The following SLC6A11 variants were observed in gnomAD, a reference collection of about 807,000 sequenced individuals.
The protein encoded by SLC6A11 is sodium- and chloride-dependent GABA transporter 3.
SLC6A11 carries 25 observed loss-of-function variants against 74.8 expected under a neutral mutation model. The ratio of observed to expected loss-of-function variants is 0.33; its 90% CI spans 0.24 to 0.47. The LOEUF is 0.47. SLC6A11 is among the 20% of genes least tolerant of loss of function. The pLI is 1.00. For missense variants in SLC6A11, 574 were observed against 837.0 expected (o/e 0.69, Z 3.88); for synonymous variants, 330 against 330.2 (o/e 1.00, Z 0.01).
chr3:10,933,338 T>C (rs1695716208), intron 11 of SLC6A11, 85 bp downstream of exon 11: 1 of 906,404 alleles, frequency 1.1e-6, no homozygotes, highest in East Asian at 2.4e-5. Flanking sequence ...TGGCTCTGGT[T>C]CTCTGTGGCT....
chr3:10,823,463 C>A, intron 4 of SLC6A11, 71 bp downstream of exon 4: 2 of 1,046,768 alleles, frequency 1.9e-6, no homozygotes, highest in Non-Finnish European at 3.0e-6. Context: ...TTGGTCTTGC[C>A]CCTATTCCTG....
chr3:10,885,464 A>G (rs1695031432), intron 6 of SLC6A11, among the ~76,000 whole-genome samples: 1 of 152,040 alleles, frequency 6.6e-6, no homozygotes, highest in African/African-American at 2.4e-5. Flanking sequence ...AGGAAGCTTT[A>G]CCTCCCAGGA....
At chr3:10,828,915 A>T (rs1273601814) in intron 4 of SLC6A11, among the ~76,000 whole-genome samples, 1 of 152,184 alleles carries the variant, frequency 6.6e-6, no homozygotes, top group Admixed American at 6.5e-5. Context: ...TTTGTTCATT[A>T]TTGTCTTGCC....
Position 10,923,250 on chromosome 3 carries a change from T to TAA in SLC6A11, c.1121-2741_1121-2740dup, listed in dbSNP as rs34205263. The stretch of plus-strand genomic sequence containing the variant: ...TGGTTTCTAAACACTATTCTTCAAT[T>TAA]AAAAAAAAAAAAAACACAGGGCTCC... On this transcript the variant is annotated intron_variant, in intron 8 of 13. Coordinates refer to ENST00000254488, the MANE Select transcript of SLC6A11 (RefSeq NM_014229.3). Among the ~76,000 whole-genome samples, 96 of 142,442 alleles carry TAA rather than the reference T, an allele frequency of 6.7e-4. 1 individual carries two copies. Among genetic ancestry groups the TAA allele is most frequent in the Non-Finnish European group, 1.0e-3 (68 of 65,542 alleles). 93.4% of individuals were successfully genotyped at this position (142,442 alleles called of 152,430 possible). A position where few individuals can be genotyped will look rare whatever the true frequency, so the allele number is the denominator to read the frequency against.
At chr3:10,923,625 A>G (rs975961046) in intron 8 of SLC6A11, among the ~76,000 whole-genome samples, 1 of 151,832 alleles carries the variant, frequency 6.6e-6, no homozygotes, top group African/African-American at 2.4e-5. Context: ...CATTAGGCAA[A>G]CACCATTGTA....
Position 10,896,900 on chromosome 3 carries a change from G to A in SLC6A11, c.892-15190G>A, listed in dbSNP as rs919393571. On this transcript the variant is annotated intron_variant, in intron 6 of 13. Transcript: ENST00000254488. ...TGTATTAGTCCATATTCACGTTGCTGATAAACACATACCCGAGACTGGACA... is the reference window on the plus strand; with the variant it reads ...TGTATTAGTCCATATTCACGTTGCTAATAAACACATACCCGAGACTGGACA... 9.2e-5 allele frequency among the ~76,000 whole-genome samples: 14 copies of A among 152,292 alleles called. No individual in the cohort carries two copies. In the Middle Eastern group the frequency reaches 0.014, roughly 148 times the overall value.
At chr3:10,893,816 A>G (rs533196431) in intron 6 of SLC6A11, among the ~76,000 whole-genome samples, 8 of 152,156 alleles carry the variant, frequency 5.3e-5, no homozygotes, top group East Asian at 3.9e-4. Flanking sequence ...CCATCCATGC[A>G]TTCTATTTTA....
chr3:10,872,318 A>C (rs368870614), intron 5 of SLC6A11, among the ~76,000 whole-genome samples: 3 of 152,362 alleles, frequency 2.0e-5, no homozygotes, highest in Admixed American at 6.5e-5. Flanking sequence ...CATGTGTGGA[A>C]GTGCTAAGTA....
chr3:10,931,791 G>A (rs559409205), intron 10 of SLC6A11, among the ~76,000 whole-genome samples: 3 of 152,248 alleles, frequency 2.0e-5, no homozygotes, highest in South Asian at 2.1e-4. Context: ...TTTCTCATTC[G>A]TATCATCTGT....
intron 6 of SLC6A11, among the ~76,000 whole-genome samples, chr3:10,890,610 C>A (rs550721437): frequency 4.0e-4 from 61 of 152,358 alleles, no homozygotes; most frequent in African/African-American, 1.3e-3. Context: ...CTAAATCCCA[C>A]GCTGTCATCA....
intron 5 of SLC6A11, 96 bp from the exon 6 acceptor site, chr3:10,874,865 C>T: frequency 8.1e-7 from 1 of 1,240,320 alleles, no homozygotes; most frequent in Non-Finnish European, 1.1e-6. Context: ...GAGAGAGGGT[C>T]CTGGTGCAAC....
rs533189151 is a variant in SLC6A11, at chr3:10,887,235, A to G, written c.891+12140A>G. Reference sequence around the variant, plus strand: ...ATAATGAATGGGCAGATGGATAGATAGATGCATGGATGGATGATGAATGGA... The same window carrying G: ...ATAATGAATGGGCAGATGGATAGATGGATGCATGGATGGATGATGAATGGA... On this transcript the variant is annotated intron_variant, in intron 6 of 13. Transcript: ENST00000254488. Among the ~76,000 whole-genome samples the G allele has an allele frequency of 2.7e-3, 403 of 151,884 alleles. 1 individual carries two copies. Among genetic ancestry groups the G allele is most frequent in the African/African-American group, 9.5e-3 (392 of 41,376 alleles).
In SLC6A11 at chr3:10,938,312, C is replaced by A. The variant is rs78425241; in HGVS notation, c.1809C>A (p.Ser603Arg). 1.2e-3 allele frequency: 1,906 copies of A among 1,613,054 alleles called. 38 individuals are homozygous for A. The East Asian group carries it at 0.04, about 34-fold the overall frequency. Residue 603 changes from serine to arginine, a missense_variant, in exon 14 of 14, where the codon AGC becomes AGA. Coordinates refer to ENST00000254488, the MANE Select transcript of SLC6A11 (RefSeq NM_014229.3). The part of the protein sequence containing the change: ...DLKMRGKLGV[S>R]PRMVTVNDCD... The stretch of plus-strand genomic sequence containing the variant: ...AAATGCGGGGCAAGCTTGGGGTGAG[C>A]CCACGGATGGTGACAGTTAATGACT...
At chr3:10,849,516 C>A (rs1293522917) in intron 5 of SLC6A11, among the ~76,000 whole-genome samples, 1 of 152,136 alleles carries the variant, frequency 6.6e-6, no homozygotes, top group Admixed American at 6.5e-5. Context: ...CCAAAAACAT[C>A]CTGTCCTCTC....
intron 5 of SLC6A11, among the ~76,000 whole-genome samples, chr3:10,872,047 T>G (rs1287882468): frequency 2.0e-5 from 3 of 152,240 alleles, no homozygotes; most frequent in African/African-American, 7.2e-5. Context: ...ATGGAATGAC[T>G]TGACTCTTCT....
At chr3:10,842,946 G>C (rs1290518797) in intron 4 of SLC6A11, among the ~76,000 whole-genome samples, 1 of 152,158 alleles carries the variant, frequency 6.6e-6, no homozygotes, top group Non-Finnish European at 1.5e-5. Flanking sequence ...CGGATTCCCA[G>C]GGAGACAGAC....
At chr3:10,916,304 G>C (rs1695453489) in intron 7 of SLC6A11, among the ~76,000 whole-genome samples, 1 of 152,196 alleles carries the variant, frequency 6.6e-6, no homozygotes, top group African/African-American at 2.4e-5. Context: ...TACCAGAAGA[G>C]TTATTTGAAG....
At chr3:10,831,621 A>G (rs1311017199) in intron 4 of SLC6A11, among the ~76,000 whole-genome samples, 1 of 152,196 alleles carries the variant, frequency 6.6e-6, no homozygotes, top group East Asian at 1.9e-4. Flanking sequence ...GTGAGGTTAT[A>G]GAGAGAGAGG....
At chr3:10,893,172 C>G (rs1695127398) in intron 6 of SLC6A11, among the ~76,000 whole-genome samples, 1 of 152,126 alleles carries the variant, frequency 6.6e-6, no homozygotes, top group African/African-American at 2.4e-5. Context: ...AGAAAATATT[C>G]CCTAAGAAAG....
Sources: gnomAD v4.1 joint callset for allele counts (sites outside exome capture counted in the v4.1 genomes callset) on GRCh38, gnomAD v4.1.1 for gene constraint, MANE v1.5 for transcripts, NCBI Gene and HGNC (gene_info 2026-07-23, HGNC 2026-07-21) for gene names.